Variants in SLC35F3 observed in about 807,000 individuals in gnomAD.
SLC35F3 encodes the protein solute carrier family 35 member F3.
SLC35F3 carries 25 observed loss-of-function variants against 49.9 expected under a neutral mutation model. That is an observed-to-expected ratio of 0.50 (90% confidence interval 0.37 to 0.70). The LOEUF (loss-of-function observed/expected upper bound fraction) is 0.70, where lower values mean the gene tolerates loss of function less well. Among genes scored for constraint, SLC35F3 ranks in the 30% least tolerant of loss-of-function variants. The pLI is 0.00. For missense variants in SLC35F3, 525 were observed against 639.8 expected, an observed-to-expected ratio of 0.82 and a Z score of 1.94; for synonymous variants, 275 against 265.4, an observed-to-expected ratio of 1.04 and a Z score of -0.35.
chr1:233,983,220 A>T (rs1663214306), intron 2 of SLC35F3, among the ~76,000 whole-genome samples: 1 of 152,160 alleles, frequency 6.6e-6, no homozygotes, highest in Non-Finnish European at 1.5e-5. Context: ...TACATTTCAA[A>T]TTTTTTGCCA....
At chr1:233,919,876 G>C (rs1398637802) in intron 2 of SLC35F3, among the ~76,000 whole-genome samples, 2 of 152,150 alleles carry the variant, frequency 1.3e-5, no homozygotes, top group African/African-American at 2.4e-5. Context: ...GGATGGGCTT[G>C]TGGCAAGAGA....
At chr1:234,100,214 CA>C (rs1435446405) in intron 2 of SLC35F3, among the ~76,000 whole-genome samples, 1 of 152,168 alleles carries the variant, frequency 6.6e-6, no homozygotes, top group Non-Finnish European at 1.5e-5. Flanking sequence ...CCACTTTCTC[CA>C]ATCCTACCTT....
chr1:233,975,875 A>G (rs1389987874), intron 2 of SLC35F3, among the ~76,000 whole-genome samples: 1 of 152,194 alleles, frequency 6.6e-6, no homozygotes, highest in Non-Finnish European at 1.5e-5. Context: ...CTCTGTTTCC[A>G]GAAAGGACTT....
intron 2 of SLC35F3, among the ~76,000 whole-genome samples, chr1:233,996,560 TC>T (rs1224591070): frequency 1.3e-5 from 2 of 151,960 alleles, no homozygotes; most frequent in African/African-American, 4.8e-5. Flanking sequence ...ATTTGTGGGT[TC>T]CCTGACAGCC....
intron 2 of SLC35F3, among the ~76,000 whole-genome samples, chr1:234,196,171 C>G (rs148011976): frequency 1.3e-5 from 2 of 152,318 alleles, no homozygotes; most frequent in Non-Finnish European, 2.9e-5. Context: ...TGTTAATTTA[C>G]CATTGCCATG....
intron 2 of SLC35F3, among the ~76,000 whole-genome samples, chr1:234,170,074 G>A (rs1293597144): frequency 6.6e-6 from 1 of 152,172 alleles, no homozygotes; most frequent in Non-Finnish European, 1.5e-5. Flanking sequence ...GCCTCCAGGG[G>A]AACATCTTAA....
chr1:233,965,257 C>G (rs1662884260), intron 2 of SLC35F3, among the ~76,000 whole-genome samples: 1 of 152,154 alleles, frequency 6.6e-6, no homozygotes, highest in African/African-American at 2.4e-5. Flanking sequence ...TACACATATT[C>G]TTTGGTACCG....
intron 2 of SLC35F3, among the ~76,000 whole-genome samples, chr1:233,960,848 C>T (rs1382302483): frequency 6.6e-6 from 1 of 151,970 alleles, no homozygotes; most frequent in Non-Finnish European, 1.5e-5. Flanking sequence ...TTGCATAACT[C>T]ATTTTCTCCA....
In SLC35F3 at chr1:234,231,272, C is replaced by T; in HGVS notation, c.284-145C>T. ...TTTTCTATTGCAGCTTGCTGTCACA[C>T]AGCCGCCCTGGAAGCCGCCCCTGCA... On this transcript the variant is annotated intron_variant, in intron 2 of 7. Coordinates refer to ENST00000366618, the MANE Select transcript of SLC35F3 (RefSeq NM_173508.4). This position sits in a 1 kb window ranked among gnomAD's most constrained non-coding sequence, Gnocchi z 5.4. The T allele has an allele frequency of 1.5e-6, 1 of 651,788 alleles. No individual in the cohort carries two copies. Among genetic ancestry groups the T allele is most frequent in the Non-Finnish European group, 2.6e-6 (1 of 390,392 alleles). The allele number at this position is 651,788 out of a possible 1,614,324, so 40.4% of individuals were successfully genotyped here.
intron 3 of SLC35F3, among the ~76,000 whole-genome samples, chr1:234,282,402 C>A (rs1668343351): frequency 6.6e-6 from 1 of 152,198 alleles, no homozygotes; most frequent in African/African-American, 2.4e-5. Context: ...CCCACCCCTG[C>A]CCTTGGCCTG....
chr1:233,963,631 G>A (rs1662845656), intron 2 of SLC35F3, among the ~76,000 whole-genome samples: 2 of 152,168 alleles, frequency 1.3e-5, no homozygotes, highest in South Asian at 4.1e-4. Flanking sequence ...TTAGTGTTTG[G>A]CGCAGGTCAG....
intron 2 of SLC35F3, among the ~76,000 whole-genome samples, chr1:234,060,309 G>T (rs968472514): frequency 6.6e-6 from 1 of 152,032 alleles, no homozygotes; most frequent in Admixed American, 6.6e-5. Flanking sequence ...TTTCCTCATT[G>T]CTTGTCTACT....
At chr1:234,295,815 G>A (rs143160346) in intron 3 of SLC35F3, among the ~76,000 whole-genome samples, 670 of 152,328 alleles carry the variant, frequency 4.4e-3, no homozygotes, top group South Asian at 0.017. Context: ...CACAGCTGTG[G>A]AGTCCCATTC....
At chr1:234,183,636 G>A (rs12117103) in intron 2 of SLC35F3, among the ~76,000 whole-genome samples, 74,907 of 141,788 alleles carry the variant, frequency 0.53, 25,645 homozygotes, top group East Asian at 0.83. Context: ...TGAGTCCTTG[G>A]TAGCTCTATA....
chr1:234,012,231 A>G (rs1663733009), intron 2 of SLC35F3, among the ~76,000 whole-genome samples: 1 of 152,230 alleles, frequency 6.6e-6, no homozygotes, highest in Non-Finnish European at 1.5e-5. Flanking sequence ...CTCCCGCCAT[A>G]GGGTGGTTTT....
chr1:233,966,853 T>A (rs957915539), intron 2 of SLC35F3, among the ~76,000 whole-genome samples: 4 of 152,236 alleles, frequency 2.6e-5, no homozygotes, highest in African/African-American at 9.7e-5. Flanking sequence ...GTTCCTTTAT[T>A]TTCTTTGGAG....
rs1443118496 is a variant in SLC35F3, at chr1:234,109,747, G to A, written c.284-121670G>A. 2.6e-5 allele frequency among the ~76,000 whole-genome samples: 4 copies of A among 152,146 alleles called. No individual in the cohort carries two copies. In the East Asian group the frequency reaches 5.8e-4, roughly 22 times the overall value. ...GAGAGGGGGAGGACAAAGAGGTGAC[G>A]GCCACTGGAAGGAGTGGACCATGCT... On this transcript the variant is annotated intron_variant, in intron 2 of 7. Coordinates refer to ENST00000366618, the MANE Select transcript of SLC35F3 (RefSeq NM_173508.4).
At chr1:234,163,509 G>A (rs140136734) in intron 2 of SLC35F3, among the ~76,000 whole-genome samples, 1 of 152,336 alleles carries the variant, frequency 6.6e-6, no homozygotes, top group African/African-American at 2.4e-5. Flanking sequence ...CCAGCCCAGT[G>A]TGTTCAGTGA....
intron 2 of SLC35F3, among the ~76,000 whole-genome samples, chr1:233,907,200 A>ACTT (rs1661791534): frequency 6.6e-6 from 1 of 152,250 alleles, no homozygotes; most frequent in African/African-American, 2.4e-5. Flanking sequence ...TAATAACAAA[A>ACTT]GACAGTGGTA....
Sources: gnomAD v4.1 joint callset for allele counts (sites outside exome capture counted in the v4.1 genomes callset) on GRCh38, gnomAD v4.1.1 for gene constraint, Gnocchi (gnomAD v3.1) non-coding constraint, MANE v1.5 for transcripts, NCBI Gene and HGNC (gene_info 2026-07-23, HGNC 2026-07-21) for gene names.